The following DYSF variants were observed in gnomAD, a reference collection of about 807,000 sequenced individuals.
The protein encoded by DYSF is dystrophy-associated fer-1-like 1.
DYSF carries 212 observed loss-of-function variants against 274.9 expected under a neutral mutation model. That is an observed-to-expected ratio of 0.77 (90% confidence interval 0.69 to 0.86). The LOEUF (loss-of-function observed/expected upper bound fraction) is 0.86, where lower values mean the gene tolerates loss of function less well. Among genes scored for constraint, DYSF ranks in the 40% least tolerant of loss-of-function variants. The probability of loss-of-function intolerance (pLI) is 0.00; values close to 1 mark genes in which losing one functional copy is unlikely to be tolerated. For synonymous variants in DYSF, 1,091 were observed against 1,078.7 expected (o/e 1.01, Z -0.22); for missense variants, 2,666 against 2,783.2 (o/e 0.96, Z 0.95).
At chr2:71,560,572 A>G (rs2152802227) in intron 22 of DYSF, among the ~76,000 whole-genome samples, 1 of 152,202 alleles carries the variant, frequency 6.6e-6, no homozygotes, top group South Asian at 2.1e-4. Context: ...GTTTCCCGAG[A>G]TGGAGTTTGC....
At chr2:71,669,862 T>G in intron 51 of DYSF, 116 bp downstream of exon 51, 1 of 1,418,484 alleles carries the variant, frequency 7.0e-7, no homozygotes, top group Non-Finnish European at 9.8e-7. Flanking sequence ...CCCCACCATG[T>G]TGGAGCTACC....
chr2:71,607,334 AG>A (rs2093665640), intron 36 of DYSF, among the ~76,000 whole-genome samples: 1 of 152,142 alleles, frequency 6.6e-6, no homozygotes, highest in African/African-American at 2.4e-5. Context: ...CGTGTGTCCC[AG>A]GAGGTGGTTC....
At chr2:71,472,762 G>A (rs1268494329) in intron 1 of DYSF, among the ~76,000 whole-genome samples, 6 of 152,172 alleles carry the variant, frequency 3.9e-5, no homozygotes, top group South Asian at 2.1e-4. Context: ...TCACCTATTC[G>A]TATTTATTCT....
At chr2:71,635,762 A>AG (rs2094391262) in intron 41 of DYSF, among the ~76,000 whole-genome samples, 4 of 109,106 alleles carry the variant, frequency 3.7e-5, no homozygotes, top group African/African-American at 1.4e-4. Context: ...AAAAAAAAAA[A>AG]AAAGAAAGAA....
At chr2:71,561,662 G>T in intron 22 of DYSF, 90 bp from the exon 23 acceptor site, 2 of 1,503,848 alleles carry the variant, frequency 1.3e-6, no homozygotes, top group Middle Eastern at 1.9e-4. Flanking sequence ...AGGGGGTGGG[G>T]CCTGCTGTGA....
At position 71,656,153 on chromosome 2, in the gene DYSF, G is replaced by T. The variant is rs764936271; in HGVS notation, c.4627-9G>T. The T allele has an allele frequency of 6.2e-7, 1 of 1,613,990 alleles. No homozygotes were observed. Among genetic ancestry groups the T allele is most frequent in the Non-Finnish European group, 8.5e-7 (1 of 1,180,010 alleles). ...TCTTGTCCCCTCCTCTAATCCCCATGTGTGGCAGGTCTATGACACACAGCT... is the reference window on the plus strand; with the variant it reads ...TCTTGTCCCCTCCTCTAATCCCCATTTGTGGCAGGTCTATGACACACAGCT... On this transcript the variant is annotated splice_polypyrimidine_tract_variant and intron_variant, in intron 42 of 55. Coordinates refer to ENST00000410020, the MANE Select transcript of DYSF (RefSeq NM_001130987.2).
chr2:71,574,313 G>T lies in DYSF; in HGVS notation c.3344G>T (p.Arg1115Leu). ...DAFRRRRWRR[R>L]MEPLEKTGPA... The stretch of plus-strand genomic sequence containing the variant: ...TTCCGCCGCCGCCGCTGGCGCCGTC[G>T]CATGGAGCCACTGGAGAAGACGGGG... Residue 1115 changes from arginine to leucine, a missense_variant, in exon 30 of 56, where the codon CGC (arginine) becomes CTC (leucine). Physicochemically the swap from Arg to Leu is moderately radical, Grantham distance 102 (BLOSUM62 -2). Coordinates refer to ENST00000410020, the MANE Select transcript of DYSF (RefSeq NM_001130987.2). 6.2e-7 allele frequency: 1 copy of T among 1,614,094 alleles called. No homozygotes were observed.
intron 17 of DYSF, chr2:71,549,494 T>A: frequency 1.7e-6 from 2 of 1,166,262 alleles, no homozygotes; most frequent in Non-Finnish European, 2.5e-6. Flanking sequence ...TTGCCTGAGG[T>A]GGGATTGAGA....
intron 36 of DYSF, among the ~76,000 whole-genome samples, chr2:71,606,415 C>G (rs528779016): frequency 1.8e-4 from 28 of 152,108 alleles, no homozygotes; most frequent in Non-Finnish European, 3.5e-4. Context: ...AACCCTAGGA[C>G]AGTGAATCAG....
At chr2:71,465,811 A>G (rs2081496644), upstream of DYSF, among the ~76,000 whole-genome samples, 1 of 152,150 alleles carries the variant, frequency 6.6e-6, no homozygotes, top group Non-Finnish European at 1.5e-5. Context: ...CCCCTGTGTC[A>G]AGAAGTTCAT....
At chr2:71,518,255 ATTT>A (rs71402988) in intron 10 of DYSF, among the ~76,000 whole-genome samples, 17,954 of 138,630 alleles carry the variant, frequency 0.13, 1,074 homozygotes, top group African/African-American at 0.14. Flanking sequence ...GACCTGTATG[ATTT>A]TTTTTTTTTT....
rs147638721 is a variant in DYSF, at chr2:71,668,737, G to A, written c.5458-17G>A. The A allele has an allele frequency of 9.4e-5, 151 of 1,611,588 alleles. No individual in the cohort carries two copies. Among genetic ancestry groups the A allele is most frequent in the African/African-American group, 6.1e-4 (46 of 74,992 alleles). On this transcript the variant is annotated splice_polypyrimidine_tract_variant and intron_variant, in intron 48 of 55. Transcript: ENST00000410020. ...TAAATGAGAAGGGTGGGGAGAGAAC[G>A]GACCCTGTCTCCGCAGGGGAAGCTG...
At chr2:71,526,687 C>T (rs531617380) in intron 13 of DYSF, among the ~76,000 whole-genome samples, 2 of 152,354 alleles carry the variant, frequency 1.3e-5, no homozygotes, top group African/African-American at 4.8e-5. Context: ...ATTTTCCCTC[C>T]CTCTGTGAGG....
rs760361363 is a variant in DYSF, at chr2:71,669,168, G to A, written c.5603G>A (p.Ser1868Asn). The change falls in exon 50 of 56, where the codon AGC (serine) becomes AAC (asparagine). Residue 1868 changes from serine to asparagine, a missense_variant. Around this residue, in one of 3 missense-constraint regions of DYSF, gnomAD observed 1,460 missense variants for 1,502.1 expected, o/e 0.97. Transcript: ENST00000410020. ...NTRDVILDDLSLTGEKMSDIY... is the reference protein window; with the variant it reads ...NTRDVILDDLNLTGEKMSDIY... ...AGAGATGTGATCCTGGATGACCTGA[G>A]CCTCACGGGGGAGAAGATGAGCGAC... 3 of 1,610,792 alleles carry A rather than the reference G, an allele frequency of 1.9e-6. No homozygotes were observed. The highest frequency in any genetic ancestry group is 2.5e-6 in the Non-Finnish European group (3 of 1,178,670).
chr2:71,514,537 TC>T (rs2152732915), intron 7 of DYSF, among the ~76,000 whole-genome samples: 1 of 152,316 alleles, frequency 6.6e-6, no homozygotes, highest in African/African-American at 2.4e-5. Context: ...TATCCAAAAA[TC>T]CATCCCATTT....
intron 17 of DYSF, among the ~76,000 whole-genome samples, chr2:71,542,927 C>T (rs1389808178): frequency 6.6e-6 from 1 of 152,142 alleles, no homozygotes; most frequent in Non-Finnish European, 1.5e-5. Flanking sequence ...AGAGGGGCTC[C>T]TCACTTCCCA....
intron 1 of DYSF, among the ~76,000 whole-genome samples, chr2:71,467,233 A>G (rs2081598360): frequency 6.6e-6 from 1 of 152,194 alleles, no homozygotes; most frequent in Non-Finnish European, 1.5e-5. Context: ...TTTACTGGGT[A>G]GTGGGGATAA....
At chr2:71,511,598 T>C (rs1194137526) in intron 4 of DYSF, among the ~76,000 whole-genome samples, 1 of 152,188 alleles carries the variant, frequency 6.6e-6, no homozygotes, top group Non-Finnish European at 1.5e-5. Context: ...AGCTCCTGAG[T>C]GGTGGAACCT....
At chr2:71,664,541 G>T (rs2094960852) in intron 46 of DYSF, 103 bp downstream of exon 46, 1 of 1,427,656 alleles carries the variant, frequency 7.0e-7, no homozygotes, top group South Asian at 1.2e-5. Context: ...CCAGCCCTGG[G>T]CTTAGCACTT....
Sources: allele counts gnomAD v4.1 joint callset (sites outside exome capture counted in the v4.1 genomes callset), GRCh38; gene constraint gnomAD v4.1.1; regional missense constraint gnomAD v4.1.1; transcripts MANE v1.5; gene names NCBI Gene and HGNC (gene_info 2026-07-23, HGNC 2026-07-21).